The following CLIC5 variants were observed in gnomAD, a reference collection of about 807,000 sequenced individuals.
CLIC5 encodes chloride intracellular channel protein 5.
Under a neutral mutation model 24.7 loss-of-function variants are expected in CLIC5, and 20 were observed. The ratio of observed to expected loss-of-function variants is 0.81; its 90% CI spans 0.57 to 1.18. The LOEUF is 1.18. CLIC5 is among the 50% of genes most tolerant of loss of function. The pLI is 0.00. For missense variants in CLIC5, 341 were observed against 326.1 expected (o/e 1.05, Z -0.35); for synonymous variants, 159 against 135.6 (o/e 1.17, Z -1.20).
chr6:46,101,397 ATTGGCTT>A, the CLIC5 span, among the ~76,000 whole-genome samples: 1 of 152,250 alleles, frequency 6.6e-6, no homozygotes, highest in African/African-American at 2.4e-5. Flanking sequence ...AAAGACCTTA[ATTGGCTT>A]TTATTTGTGA....
chr6:46,067,863 A>C (rs1193385754), intron 1 of CLIC5, among the ~76,000 whole-genome samples: 1 of 152,128 alleles, frequency 6.6e-6, no homozygotes, highest in African/African-American at 2.4e-5. Context: ...ATTCAATCCA[A>C]CTCATTCTTC....
At chr6:46,096,751 C>CACA in the CLIC5 span, among the ~76,000 whole-genome samples, 428 of 152,152 alleles carry the variant, frequency 2.8e-3, no homozygotes, top group African/African-American at 9.0e-3. Context: ...ATTACTGATA[C>CACA]ACAACAACAA....
intron 1 of CLIC5, among the ~76,000 whole-genome samples, chr6:46,024,321 G>A (rs1053992457): frequency 1.3e-5 from 2 of 152,160 alleles, no homozygotes; most frequent in Non-Finnish European, 2.9e-5. Context: ...TGGCCAGTCA[G>A]AACACTGCAA....
chr6:46,091,594 T>G, the CLIC5 span, among the ~76,000 whole-genome samples: 1 of 152,216 alleles, frequency 6.6e-6, no homozygotes, highest in South Asian at 2.1e-4. Context: ...AAAAATTAAC[T>G]GGATATGGCA....
Position 45,993,779 on chromosome 6 carries a change from G to A in CLIC5, c.63+21701C>T, listed in dbSNP as rs9463158. Among the ~76,000 whole-genome samples, 769 of 152,294 alleles carry A rather than the reference G, an allele frequency of 5.0e-3. 5 individuals carry two copies. Among genetic ancestry groups the A allele is most frequent in the African/African-American group, 0.018 (740 of 41,568 alleles). On this transcript the variant is annotated intron_variant, in intron 1 of 5. Coordinates refer to ENST00000339561, the MANE Select transcript of CLIC5 (RefSeq NM_016929.5). ...TGGGAACAGATTTGCTAACAACTGTGATTGGTTAGTGTACACTTACTATGT... is the reference window on the plus strand; with the variant it reads ...TGGGAACAGATTTGCTAACAACTGTAATTGGTTAGTGTACACTTACTATGT...
At chr6:45,911,692 G>T (rs1454429099) in intron 5 of CLIC5, 1 of 985,114 alleles carries the variant, frequency 1.0e-6, no homozygotes, top group Non-Finnish European at 1.2e-6. Context: ...CAGCAGAAAT[G>T]CAATTTGTAA....
chr6:46,064,810 T>TGA (rs766121504), intron 1 of CLIC5, among the ~76,000 whole-genome samples: 5 of 152,064 alleles, frequency 3.3e-5, no homozygotes, highest in Non-Finnish European at 5.9e-5. Flanking sequence ...TTGAAGTGGA[T>TGA]GATAGAACCA....
intron 1 of CLIC5, among the ~76,000 whole-genome samples, chr6:45,962,730 C>T (rs964920325): frequency 1.3e-5 from 2 of 152,204 alleles, no homozygotes; most frequent in Admixed American, 6.5e-5. Context: ...AACTTGTAGG[C>T]TCCAGACTTA....
the CLIC5 span, among the ~76,000 whole-genome samples, chr6:46,121,397 C>A: frequency 2.0e-5 from 3 of 152,098 alleles, no homozygotes; most frequent in Non-Finnish European, 2.9e-5. Context: ...ATTTTGTCAC[C>A]ACCAGGCCTG....
At chr6:45,891,733 G>T (rs1027217631) in intron 6 of CLIC5, among the ~76,000 whole-genome samples, 10 of 152,126 alleles carry the variant, frequency 6.6e-5, no homozygotes, top group African/African-American at 2.2e-4. Context: ...GTTAACAGTG[G>T]TGAGCTCTGG....
At chr6:45,955,691 C>T (rs74906913) in intron 1 of CLIC5, among the ~76,000 whole-genome samples, 2,002 of 152,180 alleles carry the variant, frequency 0.013, 30 homozygotes, top group African/African-American at 0.045. Context: ...GAAATGCTTT[C>T]CTTCGGCTAC....
intron 5 of CLIC5, chr6:45,912,874 T>C: frequency 3.0e-6 from 2 of 661,806 alleles, no homozygotes; most frequent in South Asian, 1.6e-5. Context: ...CTAAATAGGT[T>C]GTATTTGCCC....
rs1420702793 is a variant in CLIC5, at chr6:46,006,101, TATATATATATACACATGTATAAATAC to T, written c.63+9353_63+9378del. On this transcript the variant is annotated intron_variant, in intron 1 of 5. Transcript: ENST00000339561. ...ATACACATGTATAAATACATATATA[TATATATATATACACATGTATAAATAC>T]ATATATATATATATATATATATATA... Among the ~76,000 whole-genome samples the T allele has an allele frequency of 3.3e-3, 153 of 46,316 alleles. 3 individuals carry two copies. Among genetic ancestry groups the T allele is most frequent in the African/African-American group, 7.8e-3 (91 of 11,656 alleles). The allele number at this position is 46,316 out of a possible 152,430, so 30.4% of individuals were successfully genotyped here. A position where few individuals can be genotyped will look rare whatever the true frequency, so the allele number is the denominator to read the frequency against.
At chr6:46,110,292 G>A in the CLIC5 span, among the ~76,000 whole-genome samples, 3 of 152,130 alleles carry the variant, frequency 2.0e-5, no homozygotes, top group South Asian at 2.1e-4. Flanking sequence ...TGATTGTGAT[G>A]GCTCCCCTGG....
intron 4 of CLIC5, among the ~76,000 whole-genome samples, chr6:45,919,607 G>A (rs888106519): frequency 3.3e-5 from 5 of 152,104 alleles, no homozygotes; most frequent in South Asian, 2.1e-4. Context: ...AAAGCCTCGC[G>A]GCCTTGCTGC....
chr6:46,079,446 G>A (rs1239987020), intron 1 of CLIC5, among the ~76,000 whole-genome samples: 1 of 152,222 alleles, frequency 6.6e-6, no homozygotes, highest in African/African-American at 2.4e-5. Context: ...TATGTGAACC[G>A]TTTTGAAAAA....
chr6:45,887,100 G>A (rs1762311456), intron 6 of CLIC5, among the ~76,000 whole-genome samples: 1 of 152,336 alleles, frequency 6.6e-6, no homozygotes. Context: ...CTGGGAATAT[G>A]TGGCAACAGG....
intron 1 of CLIC5, among the ~76,000 whole-genome samples, chr6:46,043,308 A>G (rs776226104): frequency 2.5e-4 from 38 of 152,232 alleles, no homozygotes; most frequent in Admixed American, 4.6e-4. Context: ...CTTATTTTAT[A>G]GATGAGAAAA....
At chr6:46,081,828 T>A (rs890005666), upstream of CLIC5, among the ~76,000 whole-genome samples, 4 of 152,214 alleles carry the variant, frequency 2.6e-5, no homozygotes, top group Non-Finnish European at 5.9e-5. Flanking sequence ...TTTTTGAACC[T>A]CCAGCTCAGT....
Sources: allele counts gnomAD v4.1 joint callset (sites outside exome capture counted in the v4.1 genomes callset), GRCh38; gene constraint gnomAD v4.1.1; transcripts MANE v1.5; gene names NCBI Gene and HGNC (gene_info 2026-07-23, HGNC 2026-07-21).